The following NPNT variants were observed in gnomAD, a reference collection of about 807,000 sequenced individuals.
NPNT encodes the protein nephronectin, also known as preosteoblast EGF-like repeat protein with MAM domain.
NPNT carries 45 observed loss-of-function variants against 68.6 expected under a neutral mutation model. That is an observed-to-expected ratio of 0.66 (90% CI 0.52 to 0.84). The LOEUF (loss-of-function observed/expected upper bound fraction) is 0.84, where lower values mean the gene tolerates loss of function less well. Ranked by LOEUF, NPNT falls within the 40% of genes least tolerant of loss-of-function variation. The pLI is 0.00. For synonymous variants in NPNT, 233 were observed against 253.3 expected, an observed-to-expected ratio of 0.92 and a Z score of 0.76; for missense variants, 672 against 714.8, an observed-to-expected ratio of 0.94 and a Z score of 0.68.
intron 8 of NPNT, among the ~76,000 whole-genome samples, chr4:105,951,457 G>C (rs895833506): frequency 6.6e-6 from 1 of 152,136 alleles, no homozygotes; most frequent in Admixed American, 6.5e-5. Flanking sequence ...TCTGTGGCTA[G>C]TTCAGTCACA....
chr4:105,965,863 C>T (rs1351838277), intron 10 of NPNT, among the ~76,000 whole-genome samples: 3 of 152,134 alleles, frequency 2.0e-5, no homozygotes, highest in Admixed American at 2.0e-4. Context: ...ACACCTGCTG[C>T]CTGCTAGCAG....
At chr4:105,936,200 C>G (rs1293982375) in intron 3 of NPNT, among the ~76,000 whole-genome samples, 6 of 152,164 alleles carry the variant, frequency 3.9e-5, no homozygotes. Context: ...ACATGACAGT[C>G]TATTACATTT....
At chr4:105,950,882 G>A (rs1474530250) in intron 8 of NPNT, among the ~76,000 whole-genome samples, 2 of 152,078 alleles carry the variant, frequency 1.3e-5, no homozygotes, top group Admixed American at 6.5e-5. Context: ...CTCAGCCACC[G>A]AAAGTGCTGC....
chr4:105,919,563 T>G (rs1160354324), intron 2 of NPNT, among the ~76,000 whole-genome samples: 1 of 152,136 alleles, frequency 6.6e-6, no homozygotes, highest in African/African-American at 2.4e-5. Flanking sequence ...TTAATTTAAT[T>G]GCTTTAAAAC....
chr4:105,953,950 G>A (rs1731024216), intron 8 of NPNT, among the ~76,000 whole-genome samples: 1 of 152,182 alleles, frequency 6.6e-6, no homozygotes, highest in Admixed American at 6.5e-5. Context: ...TTGGCAAGAA[G>A]TTGAGCAGTG....
intron 8 of NPNT, among the ~76,000 whole-genome samples, chr4:105,950,349 T>TAAAA (rs1730725147): frequency 7.2e-4 from 1 of 1,390 alleles, no homozygotes; most frequent in African/African-American, 1.3e-3. Flanking sequence ...CATAGTTATT[T>TAAAA]TATGCTTATC....
chr4:105,912,294 T>C (rs1202791563), intron 2 of NPNT: 6 of 1,141,574 alleles, frequency 5.3e-6, no homozygotes, highest in African/African-American at 1.5e-5. Flanking sequence ...TTGAAAGGCA[T>C]ACCTTCTAAA....
chr4:105,902,831 T>G (rs1726528567), intron 2 of NPNT: 1 of 152,158 alleles, frequency 6.6e-6, no homozygotes, highest in Admixed American at 6.5e-5. Flanking sequence ...CAAAGTTAAG[T>G]TTCAGAGAAA....
chr4:105,957,066 C>T (rs763186755), intron 8 of NPNT, among the ~76,000 whole-genome samples: 28 of 152,150 alleles, frequency 1.8e-4, no homozygotes, highest in Non-Finnish European at 3.1e-4. Flanking sequence ...TGTTCTACAT[C>T]TCCTACTCCC....
chr4:105,965,551 T>C (rs1189598832), intron 10 of NPNT, among the ~76,000 whole-genome samples: 1 of 152,180 alleles, frequency 6.6e-6, no homozygotes, highest in African/African-American at 2.4e-5. Flanking sequence ...CAGTGTACAT[T>C]CCACAGGGAC....
At chr4:105,930,627 G>T (rs116615655) in intron 3 of NPNT, among the ~76,000 whole-genome samples, 252 of 152,262 alleles carry the variant, frequency 1.7e-3, no homozygotes, top group Middle Eastern at 3.4e-3. Context: ...ATGTCAAAAA[G>T]AATTAAATTT....
In NPNT at chr4:105,944,718, CTT is replaced by C. The variant is rs1477785189; in HGVS notation, c.1159+2018_1159+2019del. ...TGCATGCCACAGATAGCATTGCTGC[CTT>C]TAGAAACTCCTGCCAAAAATTAAAT... On this transcript the variant is annotated intron_variant, in intron 8 of 11. Coordinates refer to ENST00000379987, the MANE Select transcript of NPNT (RefSeq NM_001033047.3). Among the ~76,000 whole-genome samples the C allele has an allele frequency of 2.6e-5, 4 of 152,214 alleles. No individual in the cohort carries two copies. The East Asian group carries it at 7.7e-4, about 29-fold the overall frequency.
chr4:105,963,137 A>G (rs888961499), intron 10 of NPNT, among the ~76,000 whole-genome samples: 1 of 152,148 alleles, frequency 6.6e-6, no homozygotes, highest in African/African-American at 2.4e-5. Context: ...AGGCAGGAGA[A>G]TCGCTTGAGC....
At chr4:105,906,550 T>C (rs952179955) in intron 2 of NPNT, among the ~76,000 whole-genome samples, 1 of 152,206 alleles carries the variant, frequency 6.6e-6, no homozygotes, top group Admixed American at 6.5e-5. Flanking sequence ...ATGAACTGTA[T>C]AGGGTTTTGG....
At chr4:105,949,859 T>A (rs1292584446) in intron 8 of NPNT, among the ~76,000 whole-genome samples, 1 of 152,242 alleles carries the variant, frequency 6.6e-6, no homozygotes. Flanking sequence ...TGGATGTGTG[T>A]AAAAGTCTGA....
intron 2 of NPNT, among the ~76,000 whole-genome samples, chr4:105,919,047 C>G (rs548516153): frequency 5.9e-5 from 9 of 152,176 alleles, no homozygotes; most frequent in African/African-American, 2.2e-4. Context: ...GCTTGTAAAC[C>G]TTTCTCTAAA....
intron 2 of NPNT, among the ~76,000 whole-genome samples, chr4:105,924,046 C>G (rs1013927913): frequency 6.6e-6 from 1 of 151,764 alleles, no homozygotes; most frequent in Non-Finnish European, 1.5e-5. Context: ...TGCGCCCCCC[C>G]CCCACCACTT....
At chr4:105,927,226 T>G (rs1360654404) in intron 2 of NPNT, 110 bp from the exon 3 acceptor site, 5 of 640,114 alleles carry the variant, frequency 7.8e-6, no homozygotes, top group Non-Finnish European at 1.4e-5. Context: ...GCTACTTTGT[T>G]GTAAGTTCTA....
At chr4:105,941,262 G>T (rs1729928529) in intron 7 of NPNT, among the ~76,000 whole-genome samples, 1 of 152,018 alleles carries the variant, frequency 6.6e-6, no homozygotes, top group South Asian at 2.1e-4. Context: ...GATCACTTGA[G>T]CCTGGGATCT....
Sources: allele counts gnomAD v4.1 joint callset (sites outside exome capture counted in the v4.1 genomes callset), GRCh38; gene constraint gnomAD v4.1.1; transcripts MANE v1.5; gene names NCBI Gene and HGNC (gene_info 2026-07-23, HGNC 2026-07-21).